PTPRO: variants seen among roughly 807,000 people sequenced by gnomAD.
PTPRO encodes receptor-type tyrosine-protein phosphatase O.
PTPRO carries 62 observed loss-of-function variants against 145.2 expected under a neutral mutation model. That is an observed-to-expected ratio of 0.43 (90% CI 0.35 to 0.53). PTPRO has a LOEUF of 0.53. Ranked by LOEUF, PTPRO falls within the 20% of genes least tolerant of loss-of-function variation. The pLI is 0.01. For missense variants in PTPRO, 1,345 were observed against 1,482.7 expected, an observed-to-expected ratio of 0.91 and a Z score of 1.53; for synonymous variants, 565 against 514.7, an observed-to-expected ratio of 1.10 and a Z score of -1.32.
intron 1 of PTPRO, among the ~76,000 whole-genome samples, chr12:15,371,362 A>C (rs1938525204): frequency 6.6e-6 from 1 of 151,950 alleles, no homozygotes. Context: ...CTCCTGAGTA[A>C]CTGAGATTAC....
At chr12:15,550,372 A>G (rs539109508) in intron 14 of PTPRO, among the ~76,000 whole-genome samples, 111 of 152,274 alleles carry the variant, frequency 7.3e-4, no homozygotes, top group African/African-American at 2.6e-3. Context: ...AGGAGGAGGA[A>G]GAGGAGGGTT....
At chr12:15,360,866 G>GTGTGTATATATGTGTGTATA (rs1938167586) in intron 1 of PTPRO, among the ~76,000 whole-genome samples, 1 of 117,190 alleles carries the variant, frequency 8.5e-6, no homozygotes, top group African/African-American at 3.1e-5. Flanking sequence ...GTGTATATAT[G>GTGTGTATATATGTGTGTATA]TGTGTATATA....
At chr12:15,330,406 A>G (rs1360685603) in intron 1 of PTPRO, among the ~76,000 whole-genome samples, 1 of 152,112 alleles carries the variant, frequency 6.6e-6, no homozygotes, top group Non-Finnish European at 1.5e-5. Context: ...TCAAGATAAC[A>G]TGTGTGCTGG....
intron 19 of PTPRO, among the ~76,000 whole-genome samples, chr12:15,570,748 T>C (rs1463699293): frequency 6.6e-6 from 1 of 152,148 alleles, no homozygotes; most frequent in African/African-American, 2.4e-5. Context: ...AAAAAATAAA[T>C]AGCTAGATGA....
chr12:15,564,583 G>T (rs1254462182), intron 17 of PTPRO, among the ~76,000 whole-genome samples: 1 of 152,146 alleles, frequency 6.6e-6, no homozygotes, highest in Non-Finnish European at 1.5e-5. Context: ...GTACTGCTTC[G>T]TCCTGCTAAA....
At chr12:15,381,181 C>T (rs1938850815) in intron 1 of PTPRO, among the ~76,000 whole-genome samples, 1 of 152,120 alleles carries the variant, frequency 6.6e-6, no homozygotes, top group African/African-American at 2.4e-5. Flanking sequence ...TAAATATTCT[C>T]AGAATACAAT....
intron 2 of PTPRO, among the ~76,000 whole-genome samples, chr12:15,489,139 A>G (rs1226492835): frequency 6.6e-6 from 1 of 152,196 alleles, no homozygotes; most frequent in Non-Finnish European, 1.5e-5. Context: ...AGATAGATAA[A>G]AATACTCATA....
intron 1 of PTPRO, among the ~76,000 whole-genome samples, chr12:15,391,291 T>G (rs1473576749): frequency 6.6e-6 from 1 of 152,254 alleles, no homozygotes; most frequent in East Asian, 1.9e-4. Context: ...CAGTTATTAT[T>G]GGAACAAATT....
chr12:15,587,227 G>T (rs1944448482), intron 24 of PTPRO, 176 bp downstream of exon 24: 1 of 713,440 alleles, frequency 1.4e-6, no homozygotes, highest in South Asian at 1.8e-5. Flanking sequence ...TGGCTTTCCT[G>T]TATCTATACC....
chr12:15,324,355 A>C (rs1866384767), intron 1 of PTPRO, among the ~76,000 whole-genome samples: 1 of 152,174 alleles, frequency 6.6e-6, no homozygotes, highest in Non-Finnish European at 1.5e-5. Flanking sequence ...GAAATAAGAG[A>C]ATGACTTGGT....
At chr12:15,520,407 C>G in intron 10 of PTPRO, 95 bp downstream of exon 10, 1 of 856,110 alleles carries the variant, frequency 1.2e-6, no homozygotes, top group Admixed American at 1.8e-5. Context: ...AGTCATTCAC[C>G]CAGCACTGGG....
intron 7 of PTPRO, among the ~76,000 whole-genome samples, chr12:15,514,451 CAAAA>C (rs71438353): frequency 2.9e-5 from 2 of 68,930 alleles, no homozygotes; most frequent in South Asian, 5.6e-4. Flanking sequence ...GACTCTGTCT[CAAAA>C]AAAAAAAAAA....
chr12:15,510,576 A>G (rs1055357824), intron 7 of PTPRO, among the ~76,000 whole-genome samples: 1 of 152,210 alleles, frequency 6.6e-6, no homozygotes, highest in African/African-American at 2.4e-5. Flanking sequence ...GTACTTTTAC[A>G]ATATCTTCTC....
chr12:15,580,629 TA>T (rs1944289660), intron 21 of PTPRO, 67 bp from the exon 22 acceptor site: 1 of 1,603,048 alleles, frequency 6.2e-7, no homozygotes, highest in Non-Finnish European at 8.5e-7. Context: ...TTTTTTCCCA[TA>T]GGCGTGAAGC....
intron 1 of PTPRO, among the ~76,000 whole-genome samples, chr12:15,428,460 G>A (rs535359662): frequency 8.8e-4 from 134 of 152,140 alleles, no homozygotes; most frequent in Non-Finnish European, 1.8e-3. Flanking sequence ...AAAGTATAGA[G>A]CTTTACTGTG....
intron 1 of PTPRO, among the ~76,000 whole-genome samples, chr12:15,336,497 A>T (rs1276730942): frequency 6.6e-6 from 1 of 152,246 alleles, no homozygotes; most frequent in African/African-American, 2.4e-5. Context: ...GCCCACCATT[A>T]GTGTAACTAC....
At chr12:15,474,343 T>C (rs1941608173) in intron 1 of PTPRO, among the ~76,000 whole-genome samples, 1 of 152,136 alleles carries the variant, frequency 6.6e-6, no homozygotes, top group African/African-American at 2.4e-5. Context: ...CAGTAGCTTC[T>C]CTCCCCGAAG....
intron 5 of PTPRO, among the ~76,000 whole-genome samples, chr12:15,503,178 G>T (rs989109998): frequency 1.1e-4 from 16 of 151,942 alleles, no homozygotes; most frequent in Middle Eastern, 3.4e-3. Flanking sequence ...ATAGGATCTT[G>T]TCATTACAAA....
chr12:15,583,160 T>C lies in PTPRO; in HGVS notation c.3255+1359T>C, dbSNP rs76615569. 1.4e-3 allele frequency among the ~76,000 whole-genome samples: 218 copies of C among 152,278 alleles called. 1 individual carries two copies. In the East Asian group the frequency reaches 0.039, roughly 27 times the overall value. ...TGCCTTTTGGATAAAGCCCATGAGCTAAGAATGGTTTTTACATTTTTTAAT... is the reference window on the plus strand; with the variant it reads ...TGCCTTTTGGATAAAGCCCATGAGCCAAGAATGGTTTTTACATTTTTTAAT... On this transcript the variant is annotated intron_variant, in intron 23 of 26. Transcript: ENST00000281171.
Sources: gnomAD v4.1 joint callset for allele counts (sites outside exome capture counted in the v4.1 genomes callset) on GRCh38, gnomAD v4.1.1 for gene constraint, MANE v1.5 for transcripts, NCBI Gene and HGNC (gene_info 2026-07-23, HGNC 2026-07-21) for gene names.